The following ZNF280D variants were observed in gnomAD, a reference collection of about 807,000 sequenced individuals.
ZNF280D encodes suppressor of hairy wing homolog 4.
In ZNF280D, 39 loss-of-function variants were observed where a neutral mutation model predicts 94.7. That is an observed-to-expected ratio of 0.41 (90% CI 0.32 to 0.54). The LOEUF (loss-of-function observed/expected upper bound fraction) is 0.54, where lower values mean the gene tolerates loss of function less well. ZNF280D is among the 20% of genes least tolerant of loss of function. The probability of loss-of-function intolerance (pLI) is 0.22; values close to 1 mark genes in which losing one functional copy is unlikely to be tolerated. For synonymous variants in ZNF280D, 398 were observed against 377.6 expected, an observed-to-expected ratio of 1.05 and a Z score of -0.63; for missense variants, 1,090 against 1,149.3, an observed-to-expected ratio of 0.95 and a Z score of 0.75.
intron 6 of ZNF280D, chr15:56,700,108 A>C: frequency 1.4e-6 from 1 of 732,164 alleles, no homozygotes; most frequent in Non-Finnish European, 1.7e-6. Context: ...GTCTTGGGGA[A>C]CCCCAGGGGA....
At chr15:56,657,135 T>G (rs11071283) in intron 17 of ZNF280D, among the ~76,000 whole-genome samples, 24,344 of 152,016 alleles carry the variant, frequency 0.16, 2,020 homozygotes, top group Admixed American at 0.2. Flanking sequence ...CAAGGAGCAA[T>G]GGCAACATAA....
chr15:56,668,588 G>A (rs953646519), intron 14 of ZNF280D, among the ~76,000 whole-genome samples: 37 of 152,068 alleles, frequency 2.4e-4, no homozygotes, highest in African/African-American at 8.4e-4. Flanking sequence ...ATTGACCCAG[G>A]AAAAGTTAAT....
In ZNF280D at chr15:56,685,341, AAAAAC is replaced by A. The variant is rs10633210; in HGVS notation, c.781-2869_781-2865del. ...TCAAAACAAATATGACATAAGGTAA[AAAAAC>A]AAAACAAAACAAAACAAAACAAACA... is the stretch of plus-strand genomic sequence containing the variant. On this transcript the variant is annotated intron_variant, in intron 9 of 21. Coordinates refer to ENST00000267807, the MANE Select transcript of ZNF280D (RefSeq NM_017661.4). Among the ~76,000 whole-genome samples the A allele has an allele frequency of 2.7e-3, 407 of 150,430 alleles. 2 individuals carry two copies. The highest frequency in any genetic ancestry group is 7.6e-3 in the African/African-American group (312 of 40,992).
intron 20 of ZNF280D, among the ~76,000 whole-genome samples, chr15:56,641,694 C>T (rs2052636060): frequency 4.0e-5 from 6 of 151,684 alleles, no homozygotes; most frequent in Admixed American, 3.9e-4. Context: ...ACAAATTAGG[C>T]ATAATTATTT....
intron 16 of ZNF280D, among the ~76,000 whole-genome samples, chr15:56,660,264 T>C (rs1197639127): frequency 6.6e-6 from 1 of 152,214 alleles, no homozygotes; most frequent in Non-Finnish European, 1.5e-5. Context: ...AAAAGCTCTT[T>C]ATTCTTTCTC....
chr15:56,682,482 A>ATG lies in ZNF280D; in HGVS notation c.781-6_781-5insCA. The stretch of plus-strand genomic sequence containing the variant: ...TATCATGTCTGGACAACAATACTGA[A>ATG]AGAGAAAAAAAAAAAAAAAAAACAA... On this transcript the variant is annotated splice_region_variant and splice_polypyrimidine_tract_variant and intron_variant, in intron 9 of 21. Coordinates refer to ENST00000267807, the MANE Select transcript of ZNF280D (RefSeq NM_017661.4). The ATG allele has an allele frequency of 7.5e-7, 1 of 1,332,266 alleles. No individual in the cohort carries two copies. Among genetic ancestry groups the ATG allele is most frequent in the Non-Finnish European group, 1.0e-6 (1 of 997,480 alleles). 82.5% of individuals were successfully genotyped at this position (1,332,266 alleles called of 1,614,324 possible).
At chr15:56,688,986 A>G in intron 9 of ZNF280D, 55 bp downstream of exon 9, 2 of 1,089,246 alleles carry the variant, frequency 1.8e-6, no homozygotes, top group Non-Finnish European at 2.7e-6. Flanking sequence ...TGTAATCATC[A>G]GTATTTTTAG....
chr15:56,711,452 G>C (rs1467077010), intron 1 of ZNF280D, among the ~76,000 whole-genome samples: 1 of 152,010 alleles, frequency 6.6e-6, no homozygotes, highest in Non-Finnish European at 1.5e-5. Flanking sequence ...ATCACTTGAG[G>C]TCAGGAGTTC....
At chr15:56,707,624 T>G (rs1197269091) in intron 1 of ZNF280D, among the ~76,000 whole-genome samples, 1 of 152,298 alleles carries the variant, frequency 6.6e-6, no homozygotes, top group East Asian at 1.9e-4. Context: ...CTGAGTGACA[T>G]TAATCTTTAA....
rs1241713935 is a variant in ZNF280D at position 56,666,943 on chromosome 15, G to A, written c.1589C>T (p.Ser530Leu). 1.2e-6 allele frequency: 2 copies of A among 1,611,560 alleles called. No individual in the cohort carries two copies. Among genetic ancestry groups the A allele is most frequent in the Admixed American group, 3.4e-5 (2 of 59,570 alleles). Residue 530 changes from serine to leucine, a missense_variant, in exon 15 of 22, where the codon TCA (serine) becomes TTA (leucine). By Grantham distance (145) the Ser-to-Leu change is moderately radical. Around this residue, in one of 3 missense-constraint regions of ZNF280D, gnomAD observed 577 missense variants for 568.8 expected, o/e 1.01. Transcript: ENST00000267807. The stretch of plus-strand genomic sequence containing the variant: ...ACTTGCACTAATGGAAGGTGTAGGT[G>A]AAGCTCCTGATTGCAGAGGTCCAAC... Reference protein sequence around the residue: ...ASVGPLQSGASPTPSISASAS... With the variant: ...ASVGPLQSGALPTPSISASAS...
intron 16 of ZNF280D, among the ~76,000 whole-genome samples, chr15:56,663,829 G>A (rs1480425247): frequency 6.6e-6 from 1 of 152,284 alleles, no homozygotes; most frequent in East Asian, 1.9e-4. Context: ...CAGCCTAGGA[G>A]TTTGAGGTTG....
chr15:56,651,311 T>C (rs1288269452), intron 19 of ZNF280D, among the ~76,000 whole-genome samples: 1 of 152,174 alleles, frequency 6.6e-6, no homozygotes, highest in Non-Finnish European at 1.5e-5. Context: ...AAAGCACATA[T>C]GCATGAAATG....
At chr15:56,679,564 T>C (rs1596473166) in intron 10 of ZNF280D, among the ~76,000 whole-genome samples, 1 of 152,340 alleles carries the variant, frequency 6.6e-6, no homozygotes, top group East Asian at 1.9e-4. Flanking sequence ...GCAGGAATTA[T>C]GACCTTCAAT....
At chr15:56,699,713 A>G (rs557852731) in intron 6 of ZNF280D, 1 of 387,200 alleles carries the variant, frequency 2.6e-6, no homozygotes, top group African/African-American at 2.2e-5. Context: ...CAATCACACA[A>G]GTGCTTTTCC....
At chr15:56,715,133 A>G (rs998075972) in intron 1 of ZNF280D, among the ~76,000 whole-genome samples, 7 of 152,186 alleles carry the variant, frequency 4.6e-5, no homozygotes, top group South Asian at 2.1e-4. Context: ...TCAAATTCTC[A>G]TAACAGCCTA....
intron 12 of ZNF280D, among the ~76,000 whole-genome samples, chr15:56,677,163 T>C (rs1218814861): frequency 6.6e-6 from 1 of 152,226 alleles, no homozygotes; most frequent in African/African-American, 2.4e-5. Flanking sequence ...CTCCTTTAGA[T>C]TGTTAATGGC....
intron 19 of ZNF280D, among the ~76,000 whole-genome samples, chr15:56,650,807 A>G (rs1448697359): frequency 2.0e-5 from 3 of 152,134 alleles, no homozygotes; most frequent in Non-Finnish European, 4.4e-5. Context: ...AAAACAGAGG[A>G]GGGGAGAAAT....
intron 7 of ZNF280D, among the ~76,000 whole-genome samples, chr15:56,690,210 A>G (rs2056343608): frequency 6.6e-6 from 1 of 152,036 alleles, no homozygotes; most frequent in Non-Finnish European, 1.5e-5. Context: ...GTGAAACCCC[A>G]TCTCTACTAA....
intron 7 of ZNF280D, among the ~76,000 whole-genome samples, chr15:56,690,383 A>C (rs2056355936): frequency 6.6e-6 from 1 of 152,112 alleles, no homozygotes; most frequent in South Asian, 2.1e-4. Flanking sequence ...CTCTGTCTCA[A>C]AAAAAATAAA....
Sources: gnomAD v4.1 joint callset for allele counts (sites outside exome capture counted in the v4.1 genomes callset) on GRCh38, gnomAD v4.1.1 for gene constraint, gnomAD v4.1.1 regional missense constraint, MANE v1.5 for transcripts, NCBI Gene and HGNC (gene_info 2026-07-23, HGNC 2026-07-21) for gene names.